Variants in HMGCLL1 observed in about 807,000 individuals in gnomAD.
HMGCLL1 encodes the protein 3-hydroxy-3-methylglutaryl-CoA lyase like 1, also known as 3-hydroxymethyl-3-methylglutaryl-CoA lyase, cytoplasmic.
A neutral mutation model predicts 39.1 loss-of-function variants in HMGCLL1; 36 were observed. That is an observed-to-expected ratio of 0.92 (90% CI 0.71 to 1.22). HMGCLL1 has a LOEUF of 1.22. HMGCLL1 is among the 50% of genes most tolerant of loss of function. The probability of loss-of-function intolerance (pLI) is 0.00; values close to 1 mark genes in which losing one functional copy is unlikely to be tolerated. For missense variants in HMGCLL1, 451 were observed against 416.5 expected, an observed-to-expected ratio of 1.08 and a Z score of -0.72; for synonymous variants, 149 against 144.0, an observed-to-expected ratio of 1.03 and a Z score of -0.25.
At chr6:55,513,966 A>G in intron 5 of HMGCLL1, 82 bp downstream of exon 5, 1 of 1,165,232 alleles carries the variant, frequency 8.6e-7, no homozygotes, top group Admixed American at 2.2e-5. Context: ...TTTATAAATG[A>G]TATAAGAATC....
chr6:55,593,846 C>A, the HMGCLL1 span, among the ~76,000 whole-genome samples: 5 of 151,994 alleles, frequency 3.3e-5, no homozygotes, highest in Non-Finnish European at 5.9e-5. Flanking sequence ...TTTAATATCC[C>A]GATTTTGGAA....
intron 3 of HMGCLL1, among the ~76,000 whole-genome samples, chr6:55,539,449 T>C (rs1164074237): frequency 6.6e-6 from 1 of 152,118 alleles, no homozygotes; most frequent in Non-Finnish European, 1.5e-5. Flanking sequence ...TAAATGCCCA[T>C]AAATGATAGT....
intron 3 of HMGCLL1, among the ~76,000 whole-genome samples, chr6:55,528,410 T>G (rs1768439330): frequency 6.6e-6 from 1 of 152,038 alleles, no homozygotes; most frequent in Non-Finnish European, 1.5e-5. Context: ...AAAATGAGAC[T>G]AGAGCTCTTC....
chr6:55,619,397 T>G, the HMGCLL1 span, among the ~76,000 whole-genome samples: 3 of 152,142 alleles, frequency 2.0e-5, no homozygotes, highest in Non-Finnish European at 4.4e-5. Flanking sequence ...GACTACTGAT[T>G]CTAATGCCTT....
chr6:55,509,639 T>C (rs1307991129), intron 5 of HMGCLL1, among the ~76,000 whole-genome samples: 1 of 151,844 alleles, frequency 6.6e-6, no homozygotes, highest in East Asian at 1.9e-4. Context: ...CCTGACTTCA[T>C]GGCACGTGGG....
chr6:55,678,672 A>G, the HMGCLL1 span, among the ~76,000 whole-genome samples: 1 of 152,168 alleles, frequency 6.6e-6, no homozygotes, highest in South Asian at 2.1e-4. Flanking sequence ...TACATTATTC[A>G]GAAAAACAAT....
chr6:55,637,888 A>G, the HMGCLL1 span, among the ~76,000 whole-genome samples: 1 of 152,134 alleles, frequency 6.6e-6, no homozygotes, highest in Non-Finnish European at 1.5e-5. Context: ...TAAATCCAAG[A>G]GGAAGGGCAC....
chr6:55,623,196 A>C, the HMGCLL1 span, among the ~76,000 whole-genome samples: 1 of 151,950 alleles, frequency 6.6e-6, no homozygotes, highest in African/African-American at 2.4e-5. Context: ...TTTCCCAAAA[A>C]AACTTTTAAT....
the HMGCLL1 span, among the ~76,000 whole-genome samples, chr6:55,641,981 A>G: frequency 7.0e-6 from 1 of 143,122 alleles, no homozygotes; most frequent in South Asian, 2.2e-4. Flanking sequence ...ATATGTATAC[A>G]TGTGCCATGC....
intron 7 of HMGCLL1, among the ~76,000 whole-genome samples, chr6:55,441,183 A>G (rs114134484): frequency 0.023 from 3,513 of 152,162 alleles, 54 homozygotes; most frequent in African/African-American, 0.03. Context: ...TACTAGGAGA[A>G]AACATCAGGA....
intron 1 of HMGCLL1, among the ~76,000 whole-genome samples, chr6:55,561,801 C>CTTTAATTTTA (rs1417708236): frequency 6.6e-6 from 1 of 152,132 alleles, no homozygotes; most frequent in East Asian, 1.9e-4. Context: ...CTAATTTCTT[C>CTTTAATTTTA]TTTCATTTTA....
the HMGCLL1 span, among the ~76,000 whole-genome samples, chr6:55,604,062 A>G: frequency 6.6e-6 from 1 of 152,132 alleles, no homozygotes. Context: ...TATTCAAAAA[A>G]TTGTTTCAGC....
intron 1 of HMGCLL1, among the ~76,000 whole-genome samples, chr6:55,560,843 A>T (rs370874774): frequency 2.0e-5 from 3 of 152,132 alleles, no homozygotes; most frequent in African/African-American, 7.2e-5. Context: ...ACACCAAAAC[A>T]AAGAAAAAAA....
At chr6:55,440,843 C>T (rs1365843879) in intron 7 of HMGCLL1, among the ~76,000 whole-genome samples, 1 of 152,024 alleles carries the variant, frequency 6.6e-6, no homozygotes, top group Non-Finnish European at 1.5e-5. Context: ...TCTCTTTCTC[C>T]CTTCCTTCCT....
intron 7 of HMGCLL1, among the ~76,000 whole-genome samples, chr6:55,463,546 C>T (rs1034025091): frequency 6.6e-6 from 1 of 152,128 alleles, no homozygotes; most frequent in Non-Finnish European, 1.5e-5. Flanking sequence ...TAAGAGCCTC[C>T]TGAAGTGAAA....
At chr6:55,439,973 C>A (rs1254030417) in intron 7 of HMGCLL1, among the ~76,000 whole-genome samples, 1 of 152,082 alleles carries the variant, frequency 6.6e-6, no homozygotes, top group African/African-American at 2.4e-5. Context: ...CATCAAAATG[C>A]CTTAGATGAC....
the HMGCLL1 span, among the ~76,000 whole-genome samples, chr6:55,657,223 T>C: frequency 2.6e-5 from 4 of 152,078 alleles, no homozygotes; most frequent in Non-Finnish European, 4.4e-5. Flanking sequence ...ATTTTGTCAA[T>C]TTTTGCTTTT....
the HMGCLL1 span, among the ~76,000 whole-genome samples, chr6:55,650,078 C>CACACATATACATATATATATATATATAT: frequency 1.4e-4 from 13 of 93,772 alleles, 1 homozygote; most frequent in African/African-American, 4.9e-4. Flanking sequence ...TATATATATA[C>CACACATATACATATATATATATATATAT]ACACACATAT....
chr6:55,661,747 G>A, the HMGCLL1 span, among the ~76,000 whole-genome samples: 1 of 151,752 alleles, frequency 6.6e-6, no homozygotes, highest in South Asian at 2.1e-4. Context: ...CTAGTTCTGT[G>A]AAGAATATCA....
Sources: gnomAD v4.1 joint callset for allele counts (sites outside exome capture counted in the v4.1 genomes callset) on GRCh38, gnomAD v4.1.1 for gene constraint, MANE v1.5 for transcripts, NCBI Gene and HGNC (gene_info 2026-07-23, HGNC 2026-07-21) for gene names.